Variants in DPP6 observed in about 807,000 individuals in gnomAD.
DPP6 encodes A-type potassium channel modulatory protein DPP6.
In DPP6, 69 loss-of-function variants were observed where a neutral mutation model predicts 122.6. The ratio of observed to expected loss-of-function variants is 0.56; its 90% confidence interval spans 0.46 to 0.69. The LOEUF is 0.69. Among genes scored for constraint, DPP6 ranks in the 30% least tolerant of loss-of-function variants. The pLI is 0.00. For missense variants in DPP6, 928 were observed against 1,116.9 expected, an observed-to-expected ratio of 0.83 and a Z score of 2.41; for synonymous variants, 418 against 433.1, an observed-to-expected ratio of 0.97 and a Z score of 0.43.
chr7:154,786,564 T>A (rs990372523), intron 10 of DPP6, among the ~76,000 whole-genome samples: 2 of 152,164 alleles, frequency 1.3e-5, no homozygotes, highest in Non-Finnish European at 2.9e-5. Context: ...TGCCACCATA[T>A]GAAGAAGGAT....
At chr7:154,591,808 G>C (rs1368130827) in intron 5 of DPP6, among the ~76,000 whole-genome samples, 1 of 152,256 alleles carries the variant, frequency 6.6e-6, no homozygotes, top group South Asian at 2.1e-4. Context: ...ACCATGGACA[G>C]GTTCCAAAAG....
chr7:154,061,912 T>TC (rs1802002769), intron 1 of DPP6, among the ~76,000 whole-genome samples: 1 of 112,610 alleles, frequency 8.9e-6, no homozygotes, highest in Non-Finnish European at 1.9e-5. Flanking sequence ...CTTCCCCCCC[T>TC]GGCTCTGAGG....
At chr7:153,765,190 C>A in the DPP6 span, among the ~76,000 whole-genome samples, 1 of 151,970 alleles carries the variant, frequency 6.6e-6, no homozygotes, top group South Asian at 2.1e-4. Context: ...AATAATGTAA[C>A]AGGTCACCTT....
At chr7:154,763,100 G>A (rs1172025528) in intron 8 of DPP6, among the ~76,000 whole-genome samples, 2 of 152,254 alleles carry the variant, frequency 1.3e-5, no homozygotes, top group Admixed American at 1.3e-4. Flanking sequence ...GGGAGGCCCA[G>A]GCGGGTGGAT....
intron 14 of DPP6, 52 bp from the exon 15 acceptor site, chr7:154,804,865 G>A: frequency 1.3e-6 from 2 of 1,569,364 alleles, no homozygotes; most frequent in Non-Finnish European, 1.7e-6. Flanking sequence ...AATGTGAAGT[G>A]CAGACGTGCC....
chr7:154,329,280 C>A (rs762216377), intron 1 of DPP6, among the ~76,000 whole-genome samples: 1 of 152,220 alleles, frequency 6.6e-6, no homozygotes, highest in African/African-American at 2.4e-5. Flanking sequence ...GTGTTGCATC[C>A]GCACTGGCCA....
chr7:154,278,168 A>G (rs568836985), intron 1 of DPP6, among the ~76,000 whole-genome samples: 1 of 152,268 alleles, frequency 6.6e-6, no homozygotes, highest in South Asian at 2.1e-4. Flanking sequence ...TTTTTCACCA[A>G]CAACTTACAA....
intron 1 of DPP6, among the ~76,000 whole-genome samples, chr7:153,953,571 G>C (rs542419128): frequency 6.6e-6 from 1 of 152,272 alleles, no homozygotes; most frequent in East Asian, 1.9e-4. Context: ...CGCTGCATGG[G>C]CCTGGGCAAG....
intron 1 of DPP6, among the ~76,000 whole-genome samples, chr7:153,936,581 C>T (rs995840037): frequency 1.3e-5 from 2 of 151,754 alleles, no homozygotes; most frequent in Non-Finnish European, 2.9e-5. Context: ...CCGAGACAGC[C>T]GGATCACAAG....
In DPP6 at chr7:154,113,412, T is replaced by TATATATATATATATATAC. The variant is rs1472172445; in HGVS notation, c.243+60350_243+60351insTATATATATATATATACA. 3.5e-5 allele frequency among the ~76,000 whole-genome samples: 5 copies of TATATATATATATATATAC among 141,812 alleles called. No individual in the cohort carries two copies. In the East Asian group the frequency reaches 6.8e-4, roughly 19 times the overall value. The allele number at this position is 141,812 out of a possible 152,430, so 93.0% of individuals were successfully genotyped here. ...TTTCCTACATATATATATATATATA[T>TATATATATATATATATAC]ACACACACACACACACACATACACA... On this transcript the variant is annotated intron_variant, in intron 1 of 25. Transcript: ENST00000377770.
chr7:154,450,791 G>C (rs764790172), intron 2 of DPP6, among the ~76,000 whole-genome samples: 31 of 152,202 alleles, frequency 2.0e-4, no homozygotes, highest in Non-Finnish European at 4.4e-4. Context: ...ATCTCACACA[G>C]CTGGGGACTT....
At chr7:154,429,690 G>A (rs561225918) in intron 1 of DPP6, among the ~76,000 whole-genome samples, 1 of 152,232 alleles carries the variant, frequency 6.6e-6, no homozygotes, top group South Asian at 2.1e-4. Flanking sequence ...GCCCGCCTCG[G>A]AATGGCTACC....
intron 1 of DPP6, among the ~76,000 whole-genome samples, chr7:153,980,469 C>T (rs1476790113): frequency 8.6e-5 from 13 of 151,718 alleles, no homozygotes; most frequent in Non-Finnish European, 1.6e-4. Flanking sequence ...AGTGGTCTAT[C>T]TATTTTGTTA....
Position 154,012,946 on chromosome 7 carries a change from C to G in DPP6, c.51+125212C>G, listed in dbSNP as rs1475522563. Among the ~76,000 whole-genome samples the G allele has an allele frequency of 4.6e-5, 7 of 152,210 alleles. No homozygotes were observed. In the South Asian group the frequency reaches 1.2e-3, roughly 27 times the overall value. On this transcript the variant is annotated intron_variant, in intron 1 of 25. Transcript: ENST00000404039. ...GAGCTCAGTCCTGTTGAGGCTGTTT[C>G]ACGACAGGCTGTGGCTTTGTCAGGG...
At position 154,870,140 on chromosome 7, in the gene DPP6, C is replaced by T. The variant is rs930057715; in HGVS notation, c.1813+2047C>T. On this transcript the variant is annotated intron_variant, in intron 18 of 25. Transcript: ENST00000377770. ...GACCACAGGCAGGCCACATGCCCAA[C>T]TAATTCTTTTTTTTTTTTTTTTTTC... Among the ~76,000 whole-genome samples, 3 of 124,552 alleles carry T rather than the reference C, an allele frequency of 2.4e-5. No homozygotes were observed. In the South Asian group the frequency reaches 7.7e-4, roughly 32 times the overall value. The allele number at this position is 124,552 out of a possible 152,430, so 81.7% of individuals were successfully genotyped here.
chr7:154,714,713 A>C (rs1157310063), intron 7 of DPP6, among the ~76,000 whole-genome samples: 1 of 152,240 alleles, frequency 6.6e-6, no homozygotes, highest in Non-Finnish European at 1.5e-5. Context: ...GGGTGGAGAC[A>C]CAGCCAAACC....
rs548090951 is a variant in DPP6 at position 154,441,553 on chromosome 7, A to G, written c.244-4661A>G. 2.0e-5 allele frequency among the ~76,000 whole-genome samples: 3 copies of G among 152,248 alleles called. No individual in the cohort carries two copies. In the East Asian group the frequency reaches 5.8e-4, roughly 29 times the overall value. On this transcript the variant is annotated intron_variant, in intron 1 of 25. Transcript: ENST00000377770. ...AATCTTCTCCTCTTCATAAGGCACAAAGTCTGATAAAGGTAGCAAGCAAGG... is the reference window on the plus strand; with the variant it reads ...AATCTTCTCCTCTTCATAAGGCACAGAGTCTGATAAAGGTAGCAAGCAAGG...
chr7:154,092,373 T>C (rs1252411912), intron 1 of DPP6: 1 of 152,030 alleles, frequency 6.6e-6, no homozygotes, highest in Admixed American at 6.6e-5. Context: ...CCTGGCACAC[T>C]GTGGACCACT....
chr7:154,564,862 T>C (rs934076999), intron 4 of DPP6, among the ~76,000 whole-genome samples: 8 of 152,214 alleles, frequency 5.3e-5, no homozygotes, highest in Non-Finnish European at 1.5e-5. Context: ...AACAAAGCAC[T>C]ATTCTGCTTT....
Sources: gnomAD v4.1 joint callset for allele counts (sites outside exome capture counted in the v4.1 genomes callset) on GRCh38, gnomAD v4.1.1 for gene constraint, MANE v1.5 for transcripts, NCBI Gene and HGNC (gene_info 2026-07-23, HGNC 2026-07-21) for gene names.